Variants in PIAS1 observed in about 807,000 individuals in gnomAD.
PIAS1 encodes E3 SUMO-protein ligase PIAS1.
PIAS1 carries 6 observed loss-of-function variants against 71.3 expected under a neutral mutation model. That is an observed-to-expected ratio of 0.08 (90% confidence interval 0.05 to 0.17). PIAS1 has a LOEUF of 0.17. Ranked by LOEUF, PIAS1 falls within the 10% of genes least tolerant of loss-of-function variation. PIAS1 has a pLI of 1.00. For synonymous variants in PIAS1, 303 were observed against 292.9 expected (o/e 1.03, Z -0.35); for missense variants, 555 against 793.6 (o/e 0.70, Z 3.61).
At chr15:68,075,427 T>C (rs2092151850) in intron 1 of PIAS1, among the ~76,000 whole-genome samples, 1 of 152,216 alleles carries the variant, frequency 6.6e-6, no homozygotes, top group African/African-American at 2.4e-5. Context: ...GTAGTAACTT[T>C]GTAAATTTTA....
chr15:68,189,884 A>C lies in PIAS1; in HGVS notation c.*2049A>C, dbSNP rs2093111053. 1 of 152,168 alleles carries C rather than the reference A, an allele frequency of 6.6e-6. No homozygotes were observed. Among genetic ancestry groups the C allele is most frequent in the Non-Finnish European group, 1.5e-5 (1 of 68,028 alleles). 9.4% of individuals were successfully genotyped at this position (152,168 alleles called of 1,614,324 possible). A position where few individuals can be genotyped will look rare whatever the true frequency, so the allele number is the denominator to read the frequency against. On this transcript the variant is annotated 3_prime_UTR_variant, in exon 14 of 14. Transcript: ENST00000249636. ...TTAGGCTAATTTCTAATACTACCATAATTTGTGTCTAAATTTCTGTTGGGG... is the reference window on the plus strand; with the variant it reads ...TTAGGCTAATTTCTAATACTACCATCATTTGTGTCTAAATTTCTGTTGGGG...
intron 6 of PIAS1, among the ~76,000 whole-genome samples, chr15:68,147,283 T>G (rs958538220): frequency 1.2e-4 from 18 of 152,244 alleles, no homozygotes; most frequent in African/African-American, 4.1e-4. Flanking sequence ...CTTTGAAATT[T>G]TTACCAATTC....
chr15:68,055,680 A>G (rs1308643755), intron 1 of PIAS1: 2 of 407,310 alleles, frequency 4.9e-6, no homozygotes, highest in Admixed American at 4.0e-5. Context: ...GAGAACTGAC[A>G]TCTCTGTCAG....
At chr15:68,079,993 C>G (rs956435239) in intron 1 of PIAS1, among the ~76,000 whole-genome samples, 1 of 151,756 alleles carries the variant, frequency 6.6e-6, no homozygotes, top group Non-Finnish European at 1.5e-5. Context: ...CCACCATGCC[C>G]GGCTAATTTT....
chr15:68,054,509 C>A lies in PIAS1; in HGVS notation c.24+159C>A, dbSNP rs1009644381. 7 of 658,588 alleles carry A rather than the reference C, an allele frequency of 1.1e-5. No individual in the cohort carries two copies. The African/African-American group carries it at 1.4e-4, about 13-fold the overall frequency. 40.8% of individuals were successfully genotyped at this position (658,588 alleles called of 1,614,324 possible). On this transcript the variant is annotated intron_variant, in intron 1 of 13. Transcript: ENST00000249636. The surrounding 1 kb of genome is among the most constrained non-coding windows in gnomAD (Gnocchi z 4.6). ...GCGCGCCCGGTCTCAGCAGAGGGGG[C>A]CCGCCTGCGGCGGGCCGCGGGCCCC...
chr15:68,113,489 C>T (rs1320893868), intron 2 of PIAS1, among the ~76,000 whole-genome samples: 2 of 152,120 alleles, frequency 1.3e-5, no homozygotes, highest in African/African-American at 2.4e-5. Context: ...TGTTTCATAA[C>T]CCTGCTGGAC....
At chr15:68,182,454 G>A (rs1164507750) in intron 12 of PIAS1, among the ~76,000 whole-genome samples, 4 of 143,790 alleles carry the variant, frequency 2.8e-5, no homozygotes, top group South Asian at 2.2e-4. Flanking sequence ...GTGTGTGTGT[G>A]TGTGTGTCGG....
chr15:68,172,951 C>T (rs991045444), intron 8 of PIAS1, among the ~76,000 whole-genome samples: 34 of 152,226 alleles, frequency 2.2e-4, no homozygotes, highest in African/African-American at 8.0e-4. Context: ...AGTGAGGAAG[C>T]AATGCAGAGT....
rs2093082016 is a variant in PIAS1, at chr15:68,185,537, A to C, written c.1662+1870A>C. Among the ~76,000 whole-genome samples, 1 of 152,254 alleles carries C rather than the reference A, an allele frequency of 6.6e-6. No individual in the cohort carries two copies. The highest frequency in any genetic ancestry group is 2.4e-5 in the African/African-American group (1 of 41,466). ...ATGAGCTGTTGGAACTGGAACAGGA[A>C]CACGCAGCTGAAGAAGGTGCAAGAG... On this transcript the variant is annotated intron_variant, in intron 13 of 13. Transcript: ENST00000249636. The surrounding 1 kb of genome is among the most constrained non-coding windows in gnomAD (Gnocchi z 4.4).
At chr15:68,091,137 T>C (rs2092329476) in intron 2 of PIAS1, among the ~76,000 whole-genome samples, 1 of 152,156 alleles carries the variant, frequency 6.6e-6, no homozygotes, top group Non-Finnish European at 1.5e-5. Flanking sequence ...AGTGTGCCAA[T>C]ATTGGTGTTG....
chr15:68,073,182 AT>A (rs1053116626), intron 1 of PIAS1, among the ~76,000 whole-genome samples: 1 of 151,766 alleles, frequency 6.6e-6, no homozygotes, highest in African/African-American at 2.4e-5. Context: ...CGCCCGGCTC[AT>A]TTTTTTGTAT....
At chr15:68,057,132 A>G (rs530684377) in intron 1 of PIAS1, among the ~76,000 whole-genome samples, 1 of 152,346 alleles carries the variant, frequency 6.6e-6, no homozygotes, top group African/African-American at 2.4e-5. Context: ...GGAAAAACAG[A>G]TAGATCTTTA....
chr15:68,069,272 A>G (rs1180506575), intron 1 of PIAS1, among the ~76,000 whole-genome samples: 1 of 152,146 alleles, frequency 6.6e-6, no homozygotes, highest in Non-Finnish European at 1.5e-5. Context: ...TGGGCTTATA[A>G]TAAGTATTCT....
chr15:68,112,153 A>G (rs1456465761), intron 2 of PIAS1, among the ~76,000 whole-genome samples: 1 of 152,106 alleles, frequency 6.6e-6, no homozygotes, highest in African/African-American at 2.4e-5. Flanking sequence ...TTCTTCTGTA[A>G]CTGAGGGTGA....
intron 2 of PIAS1, among the ~76,000 whole-genome samples, chr15:68,120,622 T>A (rs2092605860): frequency 6.6e-6 from 1 of 152,170 alleles, no homozygotes; most frequent in Admixed American, 6.5e-5. Flanking sequence ...GTCTTTGTGC[T>A]ATTCTTGTCA....
chr15:68,170,739 C>T (rs149899029), intron 8 of PIAS1, among the ~76,000 whole-genome samples: 7,396 of 152,210 alleles, frequency 0.049, 256 homozygotes, highest in South Asian at 0.076. Flanking sequence ...CTCCCAGGCT[C>T]AAGCGATTCT....
chr15:68,137,801 G>A (rs1297126098), intron 2 of PIAS1, among the ~76,000 whole-genome samples: 1 of 152,132 alleles, frequency 6.6e-6, no homozygotes, highest in African/African-American at 2.4e-5. Context: ...ATCACATCTG[G>A]AAGAATATAT....
At chr15:68,110,264 C>T (rs978513133) in intron 2 of PIAS1, among the ~76,000 whole-genome samples, 4 of 151,920 alleles carry the variant, frequency 2.6e-5, no homozygotes, top group African/African-American at 9.7e-5. Context: ...TTTTACAGGC[C>T]CCCAAATATT....
intron 2 of PIAS1, among the ~76,000 whole-genome samples, chr15:68,096,408 G>A (rs1171925221): frequency 1.3e-5 from 2 of 150,692 alleles, no homozygotes; most frequent in Non-Finnish European, 1.5e-5. Context: ...GCTTTTGGGA[G>A]TCCCTTGAGA....
Sources: gnomAD v4.1 joint callset for allele counts (sites outside exome capture counted in the v4.1 genomes callset) on GRCh38, gnomAD v4.1.1 for gene constraint, Gnocchi (gnomAD v3.1) non-coding constraint, MANE v1.5 for transcripts, NCBI Gene and HGNC (gene_info 2026-07-23, HGNC 2026-07-21) for gene names.